Variants in MAPK10 observed in about 807,000 individuals in gnomAD.
The protein encoded by MAPK10 is JNK3 alpha protein kinase.
Under a neutral mutation model 59.3 loss-of-function variants are expected in MAPK10, and 25 were observed. That is an observed-to-expected ratio of 0.42 (90% CI 0.31 to 0.59). The LOEUF (loss-of-function observed/expected upper bound fraction) is 0.59, where lower values mean the gene tolerates loss of function less well. Among genes scored for constraint, MAPK10 ranks in the 20% least tolerant of loss-of-function variants. The pLI is 0.15. For synonymous variants in MAPK10, 190 were observed against 200.5 expected (o/e 0.95, Z 0.44); for missense variants, 351 against 568.9 (o/e 0.62, Z 3.90).
At chr4:86,025,232 C>T (rs1749594417) in intron 13 of MAPK10, 1 of 317,436 alleles carries the variant, frequency 3.2e-6, no homozygotes, top group South Asian at 1.6e-4. Flanking sequence ...CTAGTCAATT[C>T]TTTTTTTAAA....
chr4:86,561,794 A>G (rs1226296415), intron 1 of MAPK10, among the ~76,000 whole-genome samples: 1 of 152,236 alleles, frequency 6.6e-6, no homozygotes, highest in African/African-American at 2.4e-5. Context: ...GACAAGAAGC[A>G]GACAGAGGAC....
chr4:86,334,247 G>A (rs529260530), intron 2 of MAPK10, among the ~76,000 whole-genome samples: 18 of 152,176 alleles, frequency 1.2e-4, no homozygotes, highest in Admixed American at 2.6e-4. Context: ...TCTTCCAAAT[G>A]CAAACGAGTC....
chr4:86,155,861 TAAG>T, intron 4 of MAPK10, among the ~76,000 whole-genome samples: 1 of 152,090 alleles, frequency 6.6e-6, no homozygotes, highest in South Asian at 2.1e-4. Flanking sequence ...TTAATTAAAA[TAAG>T]AAAAATTTGA....
At chr4:86,166,761 C>T (rs77997579) in intron 3 of MAPK10, among the ~76,000 whole-genome samples, 1,672 of 152,186 alleles carry the variant, frequency 0.011, 25 homozygotes, top group African/African-American at 0.038. Context: ...TACAGAAATG[C>T]CAGCTGTCAC....
At chr4:86,243,274 G>T (rs1237239839) in intron 2 of MAPK10, among the ~76,000 whole-genome samples, 1 of 152,308 alleles carries the variant, frequency 6.6e-6, no homozygotes, top group Middle Eastern at 3.4e-3. Context: ...GGATACATCA[G>T]ATGTTGAGTT....
intron 1 of MAPK10, chr4:86,399,757 G>C (rs1284388522): frequency 1.3e-5 from 2 of 152,190 alleles, no homozygotes; most frequent in Non-Finnish European, 2.9e-5. Flanking sequence ...CACTGAGGTG[G>C]TTCATTAGTG....
chr4:86,214,751 T>A (rs771440997), intron 2 of MAPK10, among the ~76,000 whole-genome samples: 1 of 152,016 alleles, frequency 6.6e-6, no homozygotes, highest in Non-Finnish European at 1.5e-5. Flanking sequence ...GAAAAAATAC[T>A]GAAATGTATT....
chr4:86,337,256 C>T (rs1184095840), intron 2 of MAPK10, among the ~76,000 whole-genome samples: 1 of 152,154 alleles, frequency 6.6e-6, no homozygotes, highest in Non-Finnish European at 1.5e-5. Flanking sequence ...TTTACCTCTA[C>T]ATGGTTCAGT....
intron 1 of MAPK10, among the ~76,000 whole-genome samples, chr4:86,390,072 C>T (rs576813937): frequency 6.6e-6 from 1 of 152,298 alleles, no homozygotes; most frequent in South Asian, 2.1e-4. Context: ...GGACAAGCAT[C>T]TGCCTCTTTC....
intron 1 of MAPK10, among the ~76,000 whole-genome samples, chr4:86,411,159 C>T (rs1745123389): frequency 6.6e-6 from 1 of 152,138 alleles, no homozygotes; most frequent in Non-Finnish European, 1.5e-5. Flanking sequence ...TTGTTGTTTA[C>T]CCAGTAGTGA....
At chr4:86,322,749 C>T (rs1406263391) in intron 2 of MAPK10, among the ~76,000 whole-genome samples, 5 of 152,208 alleles carry the variant, frequency 3.3e-5, no homozygotes, top group African/African-American at 9.7e-5. Flanking sequence ...AAACCCCATT[C>T]TCTTTCCTGG....
intron 2 of MAPK10, among the ~76,000 whole-genome samples, chr4:86,316,856 G>A (rs914510600): frequency 6.6e-6 from 1 of 152,126 alleles, no homozygotes; most frequent in Admixed American, 6.5e-5. Context: ...GCCAGTTGTT[G>A]TCGTAGTAGA....
intron 2 of MAPK10, among the ~76,000 whole-genome samples, chr4:86,255,879 G>A (rs984776444): frequency 6.6e-6 from 1 of 152,026 alleles, no homozygotes; most frequent in African/African-American, 2.4e-5. Context: ...CCTTAAGAAT[G>A]GAGAATATGT....
At chr4:86,225,475 G>T (rs1205824172) in intron 2 of MAPK10, among the ~76,000 whole-genome samples, 2 of 152,102 alleles carry the variant, frequency 1.3e-5, no homozygotes, top group African/African-American at 2.4e-5. Flanking sequence ...GCTTGTGTGT[G>T]GTTCCCTTTG....
At chr4:86,431,371 T>C (rs1384070288) in intron 1 of MAPK10, among the ~76,000 whole-genome samples, 1 of 152,232 alleles carries the variant, frequency 6.6e-6, no homozygotes, top group Non-Finnish European at 1.5e-5. Context: ...GACTGATATT[T>C]TTCACTTAAA....
At chr4:86,354,978 T>C (rs758056273) in intron 1 of MAPK10, among the ~76,000 whole-genome samples, 11 of 152,164 alleles carry the variant, frequency 7.2e-5, no homozygotes, top group Non-Finnish European at 4.4e-5. Context: ...CACTATTACA[T>C]AGATTTACAT....
chr4:86,183,424 A>G (rs1014329175), intron 3 of MAPK10, among the ~76,000 whole-genome samples: 2 of 152,062 alleles, frequency 1.3e-5, no homozygotes, highest in African/African-American at 2.4e-5. Context: ...TTTGCTGAGA[A>G]TGATGGCTTC....
chr4:86,294,356 T>C (rs1421528232), intron 2 of MAPK10, among the ~76,000 whole-genome samples: 1 of 152,158 alleles, frequency 6.6e-6, no homozygotes, highest in Non-Finnish European at 1.5e-5. Flanking sequence ...ATGGGCAGAA[T>C]TTTTGCTTCC....
intron 2 of MAPK10, among the ~76,000 whole-genome samples, chr4:86,305,021 C>T (rs555425772): frequency 1.3e-5 from 2 of 152,156 alleles, no homozygotes; most frequent in East Asian, 1.9e-4. Context: ...CTTACACCCA[C>T]CAGAGTGTTT....
Sources: allele counts gnomAD v4.1 joint callset (sites outside exome capture counted in the v4.1 genomes callset), GRCh38; gene constraint gnomAD v4.1.1; transcripts MANE v1.5; gene names NCBI Gene and HGNC (gene_info 2026-07-23, HGNC 2026-07-21).